SGK1: variants seen among roughly 807,000 people sequenced by gnomAD.
The protein encoded by SGK1 is serine/threonine-protein kinase Sgk1.
In SGK1, 26 loss-of-function variants were observed where a neutral mutation model predicts 64.2. That is an observed-to-expected ratio of 0.40 (90% confidence interval 0.30 to 0.56). The LOEUF is 0.56. Ranked by LOEUF, SGK1 falls within the 20% of genes least tolerant of loss-of-function variation. The pLI is 0.38. For synonymous variants in SGK1, 265 were observed against 239.7 expected, an observed-to-expected ratio of 1.11 and a Z score of -0.98; for missense variants, 519 against 645.6, an observed-to-expected ratio of 0.80 and a Z score of 2.12.
rs58634499 is a variant in SGK1, at chr6:134,273,592, C to CAAAAAAAAAAAA, written c.70-11456_70-11445dup. ...TGGGCGACAGAGCGAGACTCCGTCT[C>CAAAAAAAAAAAA]AAAAAAAAAAAAAAAAAAAAAAAAA... On this transcript the variant is annotated intron_variant, in intron 1 of 13. Coordinates refer to ENST00000367858, the MANE Select transcript of SGK1 (RefSeq NM_001143676.3). Among the ~76,000 whole-genome samples, 31 of 16,222 alleles carry CAAAAAAAAAAAA rather than the reference C, an allele frequency of 1.9e-3. 7 individuals carry two copies. Among genetic ancestry groups the CAAAAAAAAAAAA allele is most frequent in the African/African-American group, 3.3e-3 (16 of 4,820 alleles). 10.6% of individuals were successfully genotyped at this position (16,222 alleles called of 152,430 possible). A position where few individuals can be genotyped will look rare whatever the true frequency, so the allele number is the denominator to read the frequency against.
At chr6:134,297,515 G>A (rs375188048) in intron 1 of SGK1, 109 of 563,244 alleles carry the variant, frequency 1.9e-4, no homozygotes, top group African/African-American at 1.2e-3. Flanking sequence ...TCTCTGTCTT[G>A]TTTTTGAGAC....
chr6:134,173,541 A>G lies in SGK1; in HGVS notation c.539T>C (p.Leu180Pro). The change falls in exon 6 of 14, where the codon CTT (leucine) becomes CCT (proline). Residue 180 changes from leucine (L) to proline (P), a missense_variant. This residue lies in a region of SGK1 where 241 missense variants were observed against 236.9 expected (regional missense o/e 1.02). Transcript: ENST00000367858. ...AGCATGAGGATTGGACGACGGGCCA[A>G]GGTTGATTTGCTGAGAAGGACTTGG... ...PPPSPSQQIN[L>P]GPSSNPHAKP... 2 of 1,610,708 alleles carry G rather than the reference A, an allele frequency of 1.2e-6. No homozygotes were observed. Among genetic ancestry groups the G allele is most frequent in the Non-Finnish European group, 1.7e-6 (2 of 1,178,984 alleles).
intron 1 of SGK1, among the ~76,000 whole-genome samples, chr6:134,314,889 A>G (rs1777656344): frequency 6.6e-6 from 1 of 152,066 alleles, no homozygotes; most frequent in Non-Finnish European, 1.5e-5. Flanking sequence ...TAAAAATAAA[A>G]TATGCAGAAA....
At chr6:134,229,063 C>T (rs1240906620) in intron 2 of SGK1, among the ~76,000 whole-genome samples, 3 of 152,152 alleles carry the variant, frequency 2.0e-5, no homozygotes, top group Non-Finnish European at 4.4e-5. Context: ...GATCTCCTGA[C>T]CTCGTGATCC....
At chr6:134,315,426 C>T (rs1467978367) in intron 1 of SGK1, among the ~76,000 whole-genome samples, 11 of 152,218 alleles carry the variant, frequency 7.2e-5, no homozygotes, top group Non-Finnish European at 5.9e-5. Flanking sequence ...TCAGATAAGA[C>T]ATCAGTACCC....
At chr6:134,210,549 G>C (rs778568662) in intron 2 of SGK1, among the ~76,000 whole-genome samples, 3 of 152,138 alleles carry the variant, frequency 2.0e-5, no homozygotes, top group Non-Finnish European at 4.4e-5. Context: ...GTTAAGGCCA[G>C]GTGCAGTGGC....
chr6:134,214,196 G>A (rs1055866124), intron 2 of SGK1, among the ~76,000 whole-genome samples: 1 of 151,868 alleles, frequency 6.6e-6, no homozygotes, highest in Non-Finnish European at 1.5e-5. Context: ...GCTAAGATTA[G>A]GTGTTAGCCA....
chr6:134,230,956 G>A (rs1369409745), intron 2 of SGK1, among the ~76,000 whole-genome samples: 1 of 152,162 alleles, frequency 6.6e-6, no homozygotes, highest in Non-Finnish European at 1.5e-5. Flanking sequence ...AGAGGCTGTA[G>A]TGAGCCAAGA....
chr6:134,219,063 G>A (rs570984832), intron 2 of SGK1, among the ~76,000 whole-genome samples: 2 of 152,186 alleles, frequency 1.3e-5, no homozygotes, highest in South Asian at 4.2e-4. Context: ...GCTCACTGCA[G>A]CCTCGGTCTC....
chr6:134,263,483 G>A (rs1029651933), intron 1 of SGK1, among the ~76,000 whole-genome samples: 10 of 149,966 alleles, frequency 6.7e-5, no homozygotes, highest in Non-Finnish European at 1.2e-4. Context: ...TGATCCTCCC[G>A]CCTCCCAAAG....
rs767011486 is a variant in SGK1 at position 134,262,038 on chromosome 6, G to A, written c.180C>T (p.Phe60=). 2.5e-6 allele frequency: 4 copies of A among 1,613,764 alleles called. No individual in the cohort carries two copies. Among genetic ancestry groups the A allele is most frequent in the Admixed American group, 1.7e-5 (1 of 59,992 alleles). The change falls in exon 2 of 14, where the codon TTC becomes TTT. Residue 60 remains phenylalanine (F), a synonymous_variant. Transcript: ENST00000367858. ...MVHIPPGEPD[F]ESSLCQTCLG... is the part of the protein sequence containing the mutation. ...GGCATGTTTGACACAAGGAAGACTC[G>A]AAGTCTGGCTCCCCTGGAGGGATGT... is the stretch of plus-strand genomic sequence containing the variant.
intron 2 of SGK1, among the ~76,000 whole-genome samples, chr6:134,213,643 T>TAAATAATA (rs11409950): frequency 6.1e-4 from 17 of 27,878 alleles, no homozygotes; most frequent in African/African-American, 1.2e-3. Context: ...AATAAATAAA[T>TAAATAATA]AATAAATAAA....
In SGK1 at chr6:134,180,871, C is replaced by CA. The variant is rs11345877; in HGVS notation, c.362-6286dup. 3.6e-3 allele frequency among the ~76,000 whole-genome samples: 462 copies of CA among 127,964 alleles called. 5 individuals are homozygous for CA. In the East Asian group the frequency reaches 0.046, roughly 13 times the overall value. 83.9% of individuals were successfully genotyped at this position (127,964 alleles called of 152,430 possible). ...GGGGCAACAAAGTGAGATCCTATCT[C>CA]AAAAAAAAAAAAAAAAGGACTCTGG... On this transcript the variant is annotated intron_variant, in intron 3 of 13. Transcript: ENST00000367858.
At chr6:134,213,445 T>C (rs1354164189) in intron 2 of SGK1, among the ~76,000 whole-genome samples, 1 of 151,860 alleles carries the variant, frequency 6.6e-6, no homozygotes, top group Non-Finnish European at 1.5e-5. Context: ...CACTTGAACC[T>C]GGGAGACGGA....
At chr6:134,215,994 T>A (rs546557961) in intron 2 of SGK1, among the ~76,000 whole-genome samples, 1 of 152,238 alleles carries the variant, frequency 6.6e-6, no homozygotes, top group African/African-American at 2.4e-5. Context: ...CTAGCCTGGG[T>A]GACAGAGCAA....
intron 2 of SGK1, among the ~76,000 whole-genome samples, chr6:134,231,944 CAGG>C (rs2114714029): frequency 6.7e-6 from 1 of 149,626 alleles, no homozygotes; most frequent in African/African-American, 2.5e-5. Context: ...GAGGTTGAGG[CAGG>C]AGAATTGCTT....
chr6:134,290,074 C>T (rs1160611478), intron 1 of SGK1, among the ~76,000 whole-genome samples: 3 of 148,746 alleles, frequency 2.0e-5, no homozygotes, highest in Admixed American at 6.9e-5. Flanking sequence ...TGTTTGAACC[C>T]GTGAGGGGGA....
chr6:134,238,582 G>GT (rs11334496), intron 2 of SGK1, among the ~76,000 whole-genome samples: 27 of 150,528 alleles, frequency 1.8e-4, no homozygotes, highest in Middle Eastern at 3.5e-3. Flanking sequence ...CAAAGTCAGT[G>GT]TTTTTTTTTT....
intron 2 of SGK1, among the ~76,000 whole-genome samples, chr6:134,225,458 G>C (rs974555748): frequency 6.6e-6 from 1 of 151,962 alleles, no homozygotes; most frequent in Admixed American, 6.6e-5. Context: ...CACTGAGGAA[G>C]AATGATGCTA....
Sources: gnomAD v4.1 joint callset for allele counts (sites outside exome capture counted in the v4.1 genomes callset) on GRCh38, gnomAD v4.1.1 for gene constraint, gnomAD v4.1.1 regional missense constraint, MANE v1.5 for transcripts, NCBI Gene and HGNC (gene_info 2026-07-23, HGNC 2026-07-21) for gene names.